Variants in IPCEF1 observed in about 807,000 individuals in gnomAD.
The protein encoded by IPCEF1 is interactor protein for cytohesin exchange factors 1.
Under a neutral mutation model 50.9 loss-of-function variants are expected in IPCEF1, and 31 were observed. The ratio of observed to expected loss-of-function variants is 0.61; its 90% CI spans 0.46 to 0.82. The LOEUF is 0.82. IPCEF1 is among the 40% of genes least tolerant of loss of function. The pLI is 0.00. For missense variants in IPCEF1, 458 were observed against 514.0 expected, an observed-to-expected ratio of 0.89 and a Z score of 1.05; for synonymous variants, 181 against 192.0, an observed-to-expected ratio of 0.94 and a Z score of 0.47.
intron 9 of IPCEF1, among the ~76,000 whole-genome samples, chr6:154,208,375 G>A (rs1296874547): frequency 6.6e-6 from 1 of 152,164 alleles, no homozygotes; most frequent in Admixed American, 6.5e-5. Flanking sequence ...GTTTCGCTCA[G>A]ATCTCAGCTC....
chr6:154,352,733 C>T lies in IPCEF1; in HGVS notation c.-62+3939G>A, dbSNP rs185476407. On this transcript the variant is annotated intron_variant, in intron 1 of 11. Coordinates refer to ENST00000367220, the MANE Select transcript of IPCEF1 (RefSeq NM_001130700.2). ...AAGGGACTCCATGGTGACCTGCTGGCCCTGTGAGACGGCAGGGCCAAGATT... is the reference window on the plus strand; with the variant it reads ...AAGGGACTCCATGGTGACCTGCTGGTCCTGTGAGACGGCAGGGCCAAGATT... Among the ~76,000 whole-genome samples the T allele has an allele frequency of 2.6e-5, 4 of 152,290 alleles. No homozygotes were observed. In the East Asian group the frequency reaches 7.7e-4, roughly 29 times the overall value.
At chr6:154,263,561 G>A in intron 3 of IPCEF1, among the ~76,000 whole-genome samples, 1 of 92,866 alleles carries the variant, frequency 1.1e-5, no homozygotes, top group South Asian at 3.8e-4. Context: ...CAGGGTTGGG[G>A]GTAAGGTCAC....
In IPCEF1 at chr6:154,199,701, C is replaced by A. The variant is rs778889528; in HGVS notation, c.877G>T (p.Asp293Tyr). The A allele has an allele frequency of 6.2e-7, 1 of 1,613,284 alleles. No homozygotes were observed. The highest frequency in any genetic ancestry group is 8.5e-7 in the Non-Finnish European group (1 of 1,179,468). Residue 293 changes from aspartate to tyrosine, a missense_variant, in exon 10 of 12, where the codon GAT (aspartate) becomes TAT (tyrosine). By Grantham distance (160) the Asp-to-Tyr change is radical. Coordinates refer to ENST00000367220, the MANE Select transcript of IPCEF1 (RefSeq NM_001130700.2). Reference sequence around the variant, plus strand: ...ATGATCTTTGATCCAGCAGGCTTATCTGGGACAGTAAGATGGTCATGATTG... The same window carrying A: ...ATGATCTTTGATCCAGCAGGCTTATATGGGACAGTAAGATGGTCATGATTG... ...SSNHDHLTVPDKPAGSKIMDK... is the reference protein window; with the variant it reads ...SSNHDHLTVPYKPAGSKIMDK...
At position 154,352,917 on chromosome 6, in the gene IPCEF1, T is replaced by C. The variant is rs57534025; in HGVS notation, c.-62+3755A>G. Among the ~76,000 whole-genome samples, 276 of 152,338 alleles carry C rather than the reference T, an allele frequency of 1.8e-3. 1 individual carries two copies. Among genetic ancestry groups the C allele is most frequent in the African/African-American group, 6.4e-3 (265 of 41,586 alleles). Reference sequence around the variant, plus strand: ...TATATTGGGAGATTTAAATTTAACTTATAATTAATAACTGACAAATTGACT... The same window carrying C: ...TATATTGGGAGATTTAAATTTAACTCATAATTAATAACTGACAAATTGACT... On this transcript the variant is annotated intron_variant, in intron 1 of 11. Transcript: ENST00000367220.
intron 9 of IPCEF1, among the ~76,000 whole-genome samples, chr6:154,211,616 G>A (rs1036740480): frequency 6.6e-6 from 1 of 152,016 alleles, no homozygotes; most frequent in African/African-American, 2.4e-5. Context: ...GGGAAAAAAA[G>A]GCACTCACCA....
At chr6:154,182,440 CAACT>C (rs1024081929) in intron 10 of IPCEF1, among the ~76,000 whole-genome samples, 1 of 152,102 alleles carries the variant, frequency 6.6e-6, no homozygotes, top group African/African-American at 2.4e-5. Context: ...CTCCATTGCT[CAACT>C]ATCTGATTAA....
intron 1 of IPCEF1, among the ~76,000 whole-genome samples, chr6:154,305,931 T>A (rs2079211091): frequency 6.6e-6 from 1 of 152,232 alleles, no homozygotes; most frequent in Admixed American, 6.5e-5. Context: ...AAGGGCCGCA[T>A]TGTCGGCTTC....
chr6:154,293,048 T>C (rs984551160), intron 1 of IPCEF1, among the ~76,000 whole-genome samples: 10 of 152,352 alleles, frequency 6.6e-5, no homozygotes, highest in African/African-American at 2.4e-4. Flanking sequence ...TTAGGTAGTT[T>C]TTCTTATTTA....
chr6:154,194,805 T>A (rs1467777248), intron 10 of IPCEF1, among the ~76,000 whole-genome samples: 2 of 152,208 alleles, frequency 1.3e-5, no homozygotes, highest in Admixed American at 1.3e-4. Context: ...TTTAGCCACC[T>A]GACACAGGAT....
chr6:154,230,428 G>T (rs1779628928), intron 5 of IPCEF1, among the ~76,000 whole-genome samples: 1 of 152,178 alleles, frequency 6.6e-6, no homozygotes, highest in South Asian at 2.1e-4. Context: ...CAGGACATCA[G>T]ATTTTAGAAT....
At chr6:154,302,749 A>T (rs1210277198) in intron 1 of IPCEF1, among the ~76,000 whole-genome samples, 2 of 152,130 alleles carry the variant, frequency 1.3e-5, no homozygotes, top group African/African-American at 4.8e-5. Flanking sequence ...TGCTGGGATT[A>T]TAGACATGGG....
Position 154,181,600 on chromosome 6 carries a change from G to T in IPCEF1, c.911-13487C>A, listed in dbSNP as rs1800876110. Among the ~76,000 whole-genome samples the T allele has an allele frequency of 2.0e-5, 3 of 152,192 alleles. No homozygotes were observed. In the South Asian group the frequency reaches 6.2e-4, roughly 31 times the overall value. ...ATAGTCACTGAGATAGCAGTTGACT[G>T]AACTGGACAGACCAAGGCTCAGATC... On this transcript the variant is annotated intron_variant, in intron 10 of 11. Coordinates refer to ENST00000367220, the MANE Select transcript of IPCEF1 (RefSeq NM_001130700.2).
intron 1 of IPCEF1, among the ~76,000 whole-genome samples, chr6:154,296,198 A>G (rs1021992008): frequency 6.6e-6 from 1 of 152,216 alleles, no homozygotes; most frequent in Non-Finnish European, 1.5e-5. Context: ...TTGGGCAAGC[A>G]GATTCCAAGG....
intron 2 of IPCEF1, among the ~76,000 whole-genome samples, chr6:154,288,502 A>C (rs534447316): frequency 1.3e-5 from 2 of 151,924 alleles, no homozygotes; most frequent in South Asian, 4.2e-4. Context: ...TCTCTACTAA[A>C]ACTACAAAAA....
At chr6:154,208,034 A>G (rs557153767) in intron 9 of IPCEF1, among the ~76,000 whole-genome samples, 8 of 152,256 alleles carry the variant, frequency 5.3e-5, no homozygotes, top group African/African-American at 1.9e-4. Flanking sequence ...TAGTTTTCTG[A>G]TTCTATGCCT....
rs545920381 is a variant in IPCEF1, at chr6:154,207,441, T to C, written c.537+5329A>G. Among the ~76,000 whole-genome samples the C allele has an allele frequency of 1.9e-4, 29 of 152,380 alleles. No homozygotes were observed. In the South Asian group the frequency reaches 5.8e-3, roughly 30 times the overall value. On this transcript the variant is annotated intron_variant, in intron 9 of 11. Transcript: ENST00000367220. ...CTTGCAGTTCTGTTCTTTCATTTAG[T>C]ACAGATATTGAATAATCAAATGACT...
At chr6:154,223,106 G>T in intron 6 of IPCEF1, 64 bp downstream of exon 6, 1 of 1,250,058 alleles carries the variant, frequency 8.0e-7, no homozygotes, top group Non-Finnish European at 1.2e-6. Context: ...CATATCCCTT[G>T]GTGAACATTA....
intron 9 of IPCEF1, among the ~76,000 whole-genome samples, chr6:154,202,302 C>T (rs1249402267): frequency 2.0e-5 from 3 of 152,136 alleles, no homozygotes; most frequent in Non-Finnish European, 4.4e-5. Flanking sequence ...GGTTACCTTA[C>T]ATCACTTAGA....
chr6:154,218,183 A>G (rs1286590831), intron 7 of IPCEF1, among the ~76,000 whole-genome samples: 1 of 152,226 alleles, frequency 6.6e-6, no homozygotes, highest in Non-Finnish European at 1.5e-5. Flanking sequence ...AAAATGACAG[A>G]TGTTTCCTGG....
Sources: allele counts gnomAD v4.1 joint callset (sites outside exome capture counted in the v4.1 genomes callset), GRCh38; gene constraint gnomAD v4.1.1; transcripts MANE v1.5; gene names NCBI Gene and HGNC (gene_info 2026-07-23, HGNC 2026-07-21).